SPMIP7: variants seen among roughly 807,000 people sequenced by gnomAD.
SPMIP7 encodes the protein sperm microtubule inner protein 7.
At chr7:50,096,008 A>C in the SPMIP7 span, 1 of 911,808 alleles carries the variant, frequency 1.1e-6, no homozygotes, top group Non-Finnish European at 1.6e-6. Context: ...AGTTATTGGC[A>C]ATAGAGTTTA....
chr7:50,115,338 G>A, the SPMIP7 span, among the ~76,000 whole-genome samples: 1 of 152,078 alleles, frequency 6.6e-6, no homozygotes, highest in Non-Finnish European at 1.5e-5. Context: ...AGGACTGAAA[G>A]GCAGATTTAC....
the SPMIP7 span, among the ~76,000 whole-genome samples, chr7:50,116,692 C>T: frequency 4.5e-3 from 682 of 152,108 alleles, 4 homozygotes; most frequent in Middle Eastern, 0.014. Context: ...AGTTTCAGTG[C>T]CATCTAAATC....
the SPMIP7 span, among the ~76,000 whole-genome samples, chr7:50,101,859 C>T: frequency 2.3e-4 from 35 of 152,174 alleles, no homozygotes; most frequent in African/African-American, 8.4e-4. Context: ...TCCTTTCCTC[C>T]CTTTGCTTTG....
the SPMIP7 span, chr7:50,141,511 T>C: frequency 4.6e-6 from 3 of 645,978 alleles, no homozygotes; most frequent in Non-Finnish European, 8.2e-6. Flanking sequence ...AGAAGAAAGA[T>C]ACCTGCTTCC....
the SPMIP7 span, among the ~76,000 whole-genome samples, chr7:50,117,929 T>C: frequency 6.6e-6 from 1 of 152,242 alleles, no homozygotes; most frequent in Non-Finnish European, 1.5e-5. Flanking sequence ...AATGCACTCC[T>C]TTCTGCTAGC....
the SPMIP7 span, among the ~76,000 whole-genome samples, chr7:50,121,100 T>TA: frequency 1.3e-5 from 2 of 152,162 alleles, no homozygotes; most frequent in African/African-American, 4.8e-5. Context: ...TCATTACAGT[T>TA]AGAGTAAAAA....
At chr7:50,157,073 G>A in the SPMIP7 span, among the ~76,000 whole-genome samples, 1 of 152,194 alleles carries the variant, frequency 6.6e-6, no homozygotes, top group South Asian at 2.1e-4. Flanking sequence ...CATTGGATCC[G>A]CTTGATGCAG....
chr7:50,158,932 A>G, the SPMIP7 span: 1 of 1,024,340 alleles, frequency 9.8e-7, no homozygotes, highest in South Asian at 1.6e-5. Context: ...CCCTGCCTGC[A>G]GTGCGCGCTC....
At chr7:50,113,461 G>A in the SPMIP7 span, among the ~76,000 whole-genome samples, 1 of 152,144 alleles carries the variant, frequency 6.6e-6, no homozygotes, top group Non-Finnish European at 1.5e-5. Context: ...TCAGATCATA[G>A]AGACAGCCAC....
the SPMIP7 span, among the ~76,000 whole-genome samples, chr7:50,154,542 A>C: frequency 2.0e-5 from 3 of 152,208 alleles, no homozygotes; most frequent in Admixed American, 2.0e-4. Context: ...TTCCAGGTCC[A>C]TCTGTGTTGT....
the SPMIP7 span, among the ~76,000 whole-genome samples, chr7:50,129,014 G>A: frequency 2.6e-5 from 4 of 151,954 alleles, no homozygotes; most frequent in African/African-American, 4.8e-5. Flanking sequence ...CATCCTCGAA[G>A]TCAATGAGGT....
At chr7:50,125,211 T>C in the SPMIP7 span, among the ~76,000 whole-genome samples, 2 of 89,854 alleles carry the variant, frequency 2.2e-5, no homozygotes, top group Non-Finnish European at 4.1e-5. Context: ...TATACACATA[T>C]ATATACACAT....
the SPMIP7 span, among the ~76,000 whole-genome samples, chr7:50,115,242 G>A: frequency 6.6e-6 from 1 of 151,952 alleles, no homozygotes; most frequent in East Asian, 1.9e-4. Flanking sequence ...ATAGGAAAGG[G>A]ATCAATCCAT....
chr7:50,119,896 T>C, the SPMIP7 span, among the ~76,000 whole-genome samples: 7 of 152,320 alleles, frequency 4.6e-5, no homozygotes, highest in South Asian at 2.1e-4. Context: ...CCTTCCAGCA[T>C]GCTATAAAGG....
At chr7:50,123,914 T>C in the SPMIP7 span, among the ~76,000 whole-genome samples, 2 of 152,144 alleles carry the variant, frequency 1.3e-5, no homozygotes, top group African/African-American at 4.8e-5. Flanking sequence ...AATGGTAATA[T>C]ACTAAACATT....
the SPMIP7 span, among the ~76,000 whole-genome samples, chr7:50,114,933 G>A: frequency 6.6e-6 from 1 of 151,568 alleles, no homozygotes; most frequent in African/African-American, 2.4e-5. Context: ...GGGAGGCTGA[G>A]GCAGTAGAGA....
At chr7:50,097,760 A>C in the SPMIP7 span, among the ~76,000 whole-genome samples, 2 of 152,016 alleles carry the variant, frequency 1.3e-5, no homozygotes, top group Non-Finnish European at 2.9e-5. Flanking sequence ...AAAAATACCT[A>C]AAATAAAGAA....
chr7:50,112,593 G>T, the SPMIP7 span, among the ~76,000 whole-genome samples: 1 of 152,158 alleles, frequency 6.6e-6, no homozygotes, highest in Non-Finnish European at 1.5e-5. Flanking sequence ...CTACTTTTCT[G>T]CTTTAGCCAA....
chr7:50,143,849 TA>T, the SPMIP7 span, among the ~76,000 whole-genome samples: 1 of 152,250 alleles, frequency 6.6e-6, no homozygotes, highest in African/African-American at 2.4e-5. Context: ...ATGATCACAC[TA>T]CACAGAACAT....
Sources: gnomAD v4.1 joint callset for allele counts (sites outside exome capture counted in the v4.1 genomes callset) on GRCh38, gnomAD v4.1.1 for gene constraint, MANE v1.5 for transcripts, NCBI Gene and HGNC (gene_info 2026-07-23, HGNC 2026-07-21) for gene names.